Variants in NUP160 observed in about 807,000 individuals in gnomAD.
NUP160 encodes the protein nuclear pore complex protein Nup160.
A neutral mutation model predicts 196.9 loss-of-function variants in NUP160; 94 were observed. That is an observed-to-expected ratio of 0.48 (90% CI 0.40 to 0.57). The LOEUF (loss-of-function observed/expected upper bound fraction) is 0.57, where lower values mean the gene tolerates loss of function less well. Ranked by LOEUF, NUP160 falls within the 20% of genes least tolerant of loss-of-function variation. The probability of loss-of-function intolerance (pLI) is 0.00; values close to 1 mark genes in which losing one functional copy is unlikely to be tolerated. For missense variants in NUP160, 1,638 were observed against 1,748.3 expected, an observed-to-expected ratio of 0.94 and a Z score of 1.13; for synonymous variants, 605 against 619.7, an observed-to-expected ratio of 0.98 and a Z score of 0.35.
chr11:47,836,845 A>G, intron 6 of NUP160, 42 bp downstream of exon 6: 1 of 1,194,552 alleles, frequency 8.4e-7, no homozygotes, highest in Non-Finnish European at 1.2e-6. Context: ...CATGATTCAC[A>G]ATCCTGTTTT....
intron 30 of NUP160, 88 bp downstream of exon 30, chr11:47,788,413 C>CAAA: frequency 6.5e-7 from 1 of 1,541,750 alleles, no homozygotes; most frequent in Admixed American, 1.7e-5. Flanking sequence ...AGGCTTTATA[C>CAAA]CCATCTACCA....
intron 7 of NUP160, among the ~76,000 whole-genome samples, chr11:47,834,375 G>C (rs1227519626): frequency 6.6e-6 from 1 of 152,146 alleles, no homozygotes; most frequent in African/African-American, 2.4e-5. Context: ...GCAGAGAAGA[G>C]TATACTTAGA....
intron 34 of NUP160, among the ~76,000 whole-genome samples, chr11:47,782,030 C>G (rs1176248441): frequency 4.0e-5 from 6 of 151,876 alleles, no homozygotes; most frequent in Non-Finnish European, 4.4e-5. Context: ...TGGGTAATCC[C>G]AGCACTTTGG....
chr11:47,826,560 T>C (rs186792653), intron 7 of NUP160, among the ~76,000 whole-genome samples: 27 of 143,370 alleles, frequency 1.9e-4, no homozygotes, highest in African/African-American at 5.2e-4. Flanking sequence ...GAGGTAAAAA[T>C]CCCCCCCCCC....
At chr11:47,813,237 AT>A in intron 14 of NUP160, 78 bp downstream of exon 14, 1 of 1,166,934 alleles carries the variant, frequency 8.6e-7, no homozygotes, top group Non-Finnish European at 1.3e-6. Flanking sequence ...GGCAATCGAT[AT>A]TTTTTGTATC....
intron 27 of NUP160, among the ~76,000 whole-genome samples, chr11:47,796,753 G>C (rs916174231): frequency 4.6e-5 from 7 of 152,206 alleles, no homozygotes; most frequent in African/African-American, 1.7e-4. Flanking sequence ...GTCTCGCTCT[G>C]TCACCTAGGC....
intron 7 of NUP160, among the ~76,000 whole-genome samples, chr11:47,824,042 T>TAC (rs1325966342): frequency 9.0e-6 from 1 of 110,914 alleles, no homozygotes; most frequent in Non-Finnish European, 2.0e-5. Context: ...TATATATATA[T>TAC]ATATATATAT....
chr11:47,786,694 T>C (rs984436624), intron 31 of NUP160, 140 bp from the exon 32 acceptor site: 1 of 617,334 alleles, frequency 1.6e-6, no homozygotes, highest in Non-Finnish European at 2.9e-6. Context: ...GGCTCATCTC[T>C]TCCTCAAGTT....
At chr11:47,839,661 C>G in intron 4 of NUP160, 182 bp downstream of exon 4, 1 of 610,330 alleles carries the variant, frequency 1.6e-6, no homozygotes, top group Admixed American at 2.9e-5. Context: ...CTCCAATATG[C>G]TTTATAGTTC....
intron 23 of NUP160, 135 bp downstream of exon 23, chr11:47,801,675 AT>A: frequency 1.2e-6 from 1 of 843,726 alleles, no homozygotes; most frequent in Admixed American, 2.7e-5. Flanking sequence ...CTCTAGGCAA[AT>A]TCATTTTTTT....
At chr11:47,829,322 T>C (rs1852031318) in intron 7 of NUP160, among the ~76,000 whole-genome samples, 1 of 152,246 alleles carries the variant, frequency 6.6e-6, no homozygotes, top group East Asian at 1.9e-4. Flanking sequence ...GTTTGTTTCT[T>C]TGTTTTTGAG....
chr11:47,795,455 A>G (rs1436462845), intron 27 of NUP160, among the ~76,000 whole-genome samples: 5 of 152,172 alleles, frequency 3.3e-5, no homozygotes, highest in African/African-American at 1.2e-4. Flanking sequence ...GAATATGCAA[A>G]TATGTTTTAC....
At chr11:47,801,863 C>G in exon 23 of NUP160, 1 of 1,613,694 alleles carries the variant, frequency 6.2e-7, no homozygotes, top group Non-Finnish European at 8.5e-7. Context: ...ATCCTCTGAG[C>G]GAATCAAGCG....
In NUP160 at chr11:47,810,454, G is replaced by A. The variant is rs138755598; in HGVS notation, c.2241+1610C>T. ...AACCAGGCCACCTTGGCCTCCCAAA[G>A]TGCTGGGACTATAGGTATGAGCCAC... On this transcript the variant is annotated intron_variant, in intron 17 of 35. Transcript: ENST00000378460. Among the ~76,000 whole-genome samples, 159 of 152,016 alleles carry A rather than the reference G, an allele frequency of 1.0e-3. 1 individual carries two copies. The highest frequency in any genetic ancestry group is 2.3e-3 in the South Asian group (11 of 4,830).
rs1454120867 is a variant in NUP160 at position 47,813,327 on chromosome 11, G to A, written c.1775C>T (p.Thr592Ile). 2.5e-6 allele frequency: 4 copies of A among 1,592,174 alleles called. No individual in the cohort carries two copies. The African/African-American group carries it at 5.4e-5, about 21-fold the overall frequency. Residue 592 changes from threonine to isoleucine, a missense_variant, in exon 14 of 36, where the codon ACC becomes ATC. Coordinates refer to ENST00000378460, the Ensembl canonical transcript of NUP160. ...ACAATTACTATTACCATCAGATATGGTTGTCTCATCTTCTGTCAAAAGGTT... is the reference window on the plus strand; with the variant it reads ...ACAATTACTATTACCATCAGATATGATTGTCTCATCTTCTGTCAAAAGGTT...
intron 33 of NUP160, among the ~76,000 whole-genome samples, chr11:47,784,421 T>G (rs2097663351): frequency 6.6e-6 from 1 of 152,216 alleles, no homozygotes; most frequent in Non-Finnish European, 1.5e-5. Flanking sequence ...GTTATATTAT[T>G]TGAAAAGTAC....
At chr11:47,810,074 C>T (rs989103813) in intron 17 of NUP160, among the ~76,000 whole-genome samples, 1 of 151,780 alleles carries the variant, frequency 6.6e-6, no homozygotes, top group African/African-American at 2.4e-5. Context: ...AAACAAAAAA[C>T]CTGAAAAAAA....
rs879146019 is a variant in NUP160 at position 47,806,913 on chromosome 11, G to GC, written c.2446+156dup. 2.7e-5 allele frequency among the ~76,000 whole-genome samples: 4 copies of GC among 150,430 alleles called. No individual in the cohort carries two copies. The South Asian group carries it at 8.4e-4, about 31-fold the overall frequency. On this transcript the variant is annotated intron_variant, in intron 19 of 35. Transcript: ENST00000378460. ...GGTACTACAGTTTCACAGACCCCAT[G>GC]CCACAAACGGAGATCTCAGGCCACA...
chr11:47,847,756 AC>A (rs1206344924), intron 2 of NUP160, 91 bp downstream of exon 2: 1 of 806,308 alleles, frequency 1.2e-6, no homozygotes, highest in African/African-American at 1.7e-5. Flanking sequence ...AGTGTCAATT[AC>A]CGCTTCTAGA....
Sources: gnomAD v4.1 joint callset for allele counts (sites outside exome capture counted in the v4.1 genomes callset) on GRCh38, gnomAD v4.1.1 for gene constraint, MANE v1.5 for transcripts, NCBI Gene and HGNC (gene_info 2026-07-23, HGNC 2026-07-21) for gene names.